FOXN3: variants seen among roughly 807,000 people sequenced by gnomAD.
FOXN3 encodes forkhead box N3.
Under a neutral mutation model 38.4 loss-of-function variants are expected in FOXN3, and 7 were observed. The ratio of observed to expected loss-of-function variants is 0.18; its 90% confidence interval spans 0.10 to 0.34. The LOEUF is 0.34. FOXN3 is among the 10% of genes least tolerant of loss of function. The probability of loss-of-function intolerance (pLI) is 1.00; values close to 1 mark genes in which losing one functional copy is unlikely to be tolerated. For missense variants in FOXN3, 456 were observed against 613.4 expected, an observed-to-expected ratio of 0.74 and a Z score of 2.71; for synonymous variants, 230 against 242.2, an observed-to-expected ratio of 0.95 and a Z score of 0.47.
At chr14:89,325,539 A>ATTCT (rs1566957016) in intron 3 of FOXN3, among the ~76,000 whole-genome samples, 1 of 152,216 alleles carries the variant, frequency 6.6e-6, no homozygotes, top group African/African-American at 2.4e-5. Flanking sequence ...AGGGTGGAGA[A>ATTCT]CCACCCTCTT....
chr14:89,394,916 T>C (rs1891063116), intron 2 of FOXN3, among the ~76,000 whole-genome samples: 1 of 152,222 alleles, frequency 6.6e-6, no homozygotes, highest in Non-Finnish European at 1.5e-5. Context: ...AGAATTGTAA[T>C]AACAGCATAG....
At chr14:89,372,399 G>A (rs1890344812) in intron 2 of FOXN3, among the ~76,000 whole-genome samples, 1 of 152,166 alleles carries the variant, frequency 6.6e-6, no homozygotes, top group South Asian at 2.1e-4. Flanking sequence ...TTACTATTAT[G>A]TTTCAGAGTC....
chr14:89,407,170 TAGAA>T (rs1457115460), intron 2 of FOXN3, among the ~76,000 whole-genome samples: 2 of 151,818 alleles, frequency 1.3e-5, no homozygotes, highest in Admixed American at 1.3e-4. Context: ...TGACAGGAAA[TAGAA>T]GGAGAGAGAG....
chr14:89,421,970 C>T (rs1891923029), upstream of FOXN3, among the ~76,000 whole-genome samples: 1 of 152,168 alleles, frequency 6.6e-6, no homozygotes, highest in Non-Finnish European at 1.5e-5. Flanking sequence ...GCCTCGAACT[C>T]CTAGACTCAA....
chr14:89,513,165 A>AAAG (rs1555358188), intron 1 of FOXN3, among the ~76,000 whole-genome samples: 1 of 150,726 alleles, frequency 6.6e-6, no homozygotes, highest in Non-Finnish European at 1.5e-5. Context: ...AAAAAAAAAA[A>AAAG]AAAAGAAAAA....
Position 89,162,702 on chromosome 14 carries a change from C to T in FOXN3, c.1119G>A (p.Glu373=), listed in dbSNP as rs138472417. Residue 373 remains glutamate (E), a synonymous_variant, in exon 6 of 6, where the codon GAG becomes GAA. Transcript: ENST00000557258. This position sits in a 1 kb window ranked among gnomAD's most constrained non-coding sequence, Gnocchi z 7.2. ...RSHESPSDTE[E]DDRKHSQKEP... ...CCTTCTGGCTGTGCTTCCTGTCGTC[C>T]TCTTCCGTGTCGCTGGGGCTCTCGT... is the stretch of plus-strand genomic sequence containing the variant. 4.3e-6 allele frequency: 7 copies of T among 1,613,962 alleles called. No homozygotes were observed. The African/African-American group carries it at 6.7e-5, about 15-fold the overall frequency.
At chr14:89,231,213 GAAA>G (rs140684297) in intron 4 of FOXN3, among the ~76,000 whole-genome samples, 6 of 147,406 alleles carry the variant, frequency 4.1e-5, no homozygotes, top group African/African-American at 1.5e-4. Flanking sequence ...TCTTTCTAAT[GAAA>G]AAAAAAAGTA....
intron 4 of FOXN3, among the ~76,000 whole-genome samples, chr14:89,226,381 A>G (rs61985231): frequency 0.21 from 31,972 of 151,992 alleles, 3,655 homozygotes; most frequent in Non-Finnish European, 0.27. Context: ...ATGTACCACC[A>G]TGCCCAGACA....
intron 4 of FOXN3, among the ~76,000 whole-genome samples, chr14:89,199,176 C>T (rs1596097437): frequency 6.6e-6 from 1 of 152,104 alleles, no homozygotes; most frequent in South Asian, 2.1e-4. Flanking sequence ...AGAAGTTGCC[C>T]GAGTGAGCAG....
intron 2 of FOXN3, among the ~76,000 whole-genome samples, chr14:89,408,682 C>T (rs923078708): frequency 1.3e-5 from 2 of 151,484 alleles, no homozygotes; most frequent in African/African-American, 4.9e-5. Flanking sequence ...CAGGATTCCA[C>T]ATTTTCACTG....
intron 4 of FOXN3, among the ~76,000 whole-genome samples, chr14:89,182,256 T>A (rs1887693549): frequency 6.6e-6 from 1 of 152,264 alleles, no homozygotes; most frequent in South Asian, 2.1e-4. Context: ...AAACATCATG[T>A]AGGATGAATG....
intron 1 of FOXN3, among the ~76,000 whole-genome samples, chr14:89,594,073 G>T (rs182034241): frequency 1.3e-5 from 2 of 152,306 alleles, no homozygotes; most frequent in East Asian, 3.9e-4. Context: ...TAAAGTATTT[G>T]TGTGTGTGCA....
At chr14:89,287,587 C>CT (rs1886668842) in intron 3 of FOXN3, among the ~76,000 whole-genome samples, 1 of 148,922 alleles carries the variant, frequency 6.7e-6, no homozygotes, top group African/African-American at 2.5e-5. Context: ...CAACTTGGCC[C>CT]GTTTTTCCAT....
intron 3 of FOXN3, among the ~76,000 whole-genome samples, chr14:89,346,416 C>A (rs556180548): frequency 2.6e-5 from 4 of 152,122 alleles, no homozygotes; most frequent in Non-Finnish European, 5.9e-5. Flanking sequence ...TAAGACTTTC[C>A]CTGTTTCTGA....
intron 3 of FOXN3, among the ~76,000 whole-genome samples, chr14:89,346,701 C>T (rs888829861): frequency 6.6e-6 from 1 of 152,158 alleles, no homozygotes; most frequent in Non-Finnish European, 1.5e-5. Flanking sequence ...TTTCCATGCT[C>T]TCATCTTTAG....
chr14:89,238,558 C>T (rs1446336107), intron 4 of FOXN3, among the ~76,000 whole-genome samples: 3 of 152,198 alleles, frequency 2.0e-5, no homozygotes, highest in African/African-American at 7.2e-5. Context: ...CACTCAATGC[C>T]ACTAGCCACA....
At chr14:89,431,586 C>T (rs1396060583) in intron 1 of FOXN3, among the ~76,000 whole-genome samples, 3 of 152,126 alleles carry the variant, frequency 2.0e-5, no homozygotes, top group Non-Finnish European at 4.4e-5. Flanking sequence ...GTTCTTGCAG[C>T]TGTTTGTTTT....
chr14:89,580,712 A>G (rs751442379), intron 1 of FOXN3, among the ~76,000 whole-genome samples: 7 of 152,242 alleles, frequency 4.6e-5, no homozygotes, highest in African/African-American at 9.6e-5. Flanking sequence ...CATTTGCTCC[A>G]TAATTGATGC....
chr14:89,410,818 G>A (rs1452090598), intron 2 of FOXN3, among the ~76,000 whole-genome samples: 1 of 151,618 alleles, frequency 6.6e-6, no homozygotes, highest in Non-Finnish European at 1.5e-5. Flanking sequence ...AGCTGCAGTG[G>A]GCAGTGATCA....
Sources: gnomAD v4.1 joint callset for allele counts (sites outside exome capture counted in the v4.1 genomes callset) on GRCh38, gnomAD v4.1.1 for gene constraint, Gnocchi (gnomAD v3.1) non-coding constraint, MANE v1.5 for transcripts, NCBI Gene and HGNC (gene_info 2026-07-23, HGNC 2026-07-21) for gene names.